Variants in ARB2A observed in about 807,000 individuals in gnomAD.
ARB2A encodes the protein ARB2 cotranscriptional regulator A.
chr5:93,790,654 G>A, the ARB2A span, among the ~76,000 whole-genome samples: 6 of 152,172 alleles, frequency 3.9e-5, no homozygotes, highest in African/African-American at 4.8e-5. Context: ...AGAATGGCTT[G>A]AGCTGGCAAC....
At chr5:93,923,925 G>A in the ARB2A span, among the ~76,000 whole-genome samples, 3 of 152,144 alleles carry the variant, frequency 2.0e-5, no homozygotes, top group African/African-American at 7.2e-5. Context: ...AAGACATACA[G>A]AAACTTATAT....
At chr5:93,812,275 A>G in the ARB2A span, among the ~76,000 whole-genome samples, 7 of 152,142 alleles carry the variant, frequency 4.6e-5, no homozygotes, top group East Asian at 3.9e-4. Flanking sequence ...TACACTATCA[A>G]TGATAATTGG....
At chr5:93,922,387 T>C in the ARB2A span, among the ~76,000 whole-genome samples, 6 of 151,628 alleles carry the variant, frequency 4.0e-5, no homozygotes, top group Non-Finnish European at 8.8e-5. Flanking sequence ...AACAACTTGG[T>C]GCCAGGTGTG....
At chr5:93,778,850 T>C in the ARB2A span, among the ~76,000 whole-genome samples, 6 of 152,218 alleles carry the variant, frequency 3.9e-5, no homozygotes, top group African/African-American at 1.2e-4. Flanking sequence ...CTGAACAAAA[T>C]GAACTTTTGT....
chr5:94,011,441 T>C, the ARB2A span, among the ~76,000 whole-genome samples: 2 of 152,182 alleles, frequency 1.3e-5, no homozygotes, highest in Admixed American at 1.3e-4. Flanking sequence ...AAGGGATGTT[T>C]GTATGTTTTG....
the ARB2A span, among the ~76,000 whole-genome samples, chr5:93,975,042 C>T: frequency 7.9e-5 from 12 of 151,974 alleles, no homozygotes; most frequent in African/African-American, 1.2e-4. Context: ...TAGCTGGGCG[C>T]GGTGGCTCAT....
At chr5:94,083,469 T>C in the ARB2A span, among the ~76,000 whole-genome samples, 3 of 152,094 alleles carry the variant, frequency 2.0e-5, no homozygotes, top group African/African-American at 7.2e-5. Flanking sequence ...ATTCAAAACC[T>C]ATTTTTGGAA....
the ARB2A span, among the ~76,000 whole-genome samples, chr5:93,858,535 C>T: frequency 2.0e-4 from 30 of 152,200 alleles, no homozygotes; most frequent in Non-Finnish European, 2.9e-4. Context: ...ACTTATATTC[C>T]TCCATCTCCT....
the ARB2A span, among the ~76,000 whole-genome samples, chr5:93,744,880 A>G: frequency 1.3e-5 from 2 of 152,230 alleles, no homozygotes; most frequent in African/African-American, 4.8e-5. Context: ...GGAATTACAG[A>G]GTAAGGATGG....
At chr5:93,801,446 T>C in the ARB2A span, among the ~76,000 whole-genome samples, 1 of 152,108 alleles carries the variant, frequency 6.6e-6, no homozygotes, top group Non-Finnish European at 1.5e-5. Flanking sequence ...TGAAGAAAGA[T>C]GCAACCAAGG....
At chr5:93,788,669 C>T in the ARB2A span, among the ~76,000 whole-genome samples, 10 of 152,160 alleles carry the variant, frequency 6.6e-5, no homozygotes, top group Non-Finnish European at 1.3e-4. Flanking sequence ...AAGGAAAACA[C>T]AAAGATTCCT....
chr5:94,022,218 A>G, the ARB2A span, among the ~76,000 whole-genome samples: 1 of 152,222 alleles, frequency 6.6e-6, no homozygotes, highest in Non-Finnish European at 1.5e-5. Context: ...TATTATTATT[A>G]TCTTCCAGAA....
the ARB2A span, among the ~76,000 whole-genome samples, chr5:94,105,703 G>A: frequency 1.3e-5 from 2 of 151,254 alleles, no homozygotes; most frequent in Non-Finnish European, 2.9e-5. Context: ...AAAAGCCAGA[G>A]GTATCACACT....
At chr5:93,931,505 C>T in the ARB2A span, among the ~76,000 whole-genome samples, 2 of 152,260 alleles carry the variant, frequency 1.3e-5, no homozygotes, top group African/African-American at 2.4e-5. Context: ...TTTGTTAAAA[C>T]ATAGAATGGT....
the ARB2A span, among the ~76,000 whole-genome samples, chr5:94,033,250 CTGTTCTGCCAT>C: frequency 1.3e-5 from 2 of 152,106 alleles, no homozygotes; most frequent in Admixed American, 6.5e-5. Flanking sequence ...TACCCCATGC[CTGTTCTGCCAT>C]TGTATTTTGG....
the ARB2A span, chr5:94,055,612 A>C: frequency 2.0e-6 from 2 of 984,772 alleles, no homozygotes; most frequent in Non-Finnish European, 2.4e-6. Flanking sequence ...ACTGGGTTTA[A>C]AAAGGGACAT....
the ARB2A span, among the ~76,000 whole-genome samples, chr5:93,841,467 T>C: frequency 2.6e-5 from 4 of 152,190 alleles, no homozygotes; most frequent in Non-Finnish European, 5.9e-5. Flanking sequence ...CCATTTTATA[T>C]AAGTGACTTG....
the ARB2A span, among the ~76,000 whole-genome samples, chr5:93,927,254 G>A: frequency 6.6e-6 from 1 of 152,186 alleles, no homozygotes; most frequent in African/African-American, 2.4e-5. Context: ...AAAAGAACTA[G>A]GAAAGGGCTT....
At chr5:93,865,920 C>T in the ARB2A span, 3 of 985,312 alleles carry the variant, frequency 3.0e-6, no homozygotes, top group African/African-American at 5.2e-5. Context: ...ATGAGGGCTG[C>T]CCCATAAGGG....
Sources: allele counts gnomAD v4.1 joint callset (sites outside exome capture counted in the v4.1 genomes callset), GRCh38; gene constraint gnomAD v4.1.1; transcripts MANE v1.5; gene names NCBI Gene and HGNC (gene_info 2026-07-23, HGNC 2026-07-21).